BRI3: variants seen among roughly 807,000 people sequenced by gnomAD.
BRI3 encodes membrane protein BRI3.
BRI3 carries 6 observed loss-of-function variants against 12.8 expected under a neutral mutation model. That is an observed-to-expected ratio of 0.47 (90% CI 0.26 to 0.93). BRI3 has a LOEUF of 0.93. BRI3 is among the 40% of genes least tolerant of loss of function. The pLI, the probability that BRI3 is intolerant of heterozygous loss-of-function variation, is 0.15. For missense variants in BRI3, 134 were observed against 171.1 expected, an observed-to-expected ratio of 0.78 and a Z score of 1.21; for synonymous variants, 91 against 76.1, an observed-to-expected ratio of 1.20 and a Z score of -1.02.
intron 1 of BRI3, among the ~76,000 whole-genome samples, chr7:98,300,974 C>T (rs554662756): frequency 1.3e-5 from 2 of 152,330 alleles, no homozygotes; most frequent in East Asian, 1.9e-4. Flanking sequence ...CCCTTGTCCT[C>T]ACCCCATGCA....
At chr7:98,306,582 A>C in exon 1 of BRI3, 1 of 1,611,924 alleles carries the variant, frequency 6.2e-7, no homozygotes, top group Middle Eastern at 1.7e-4. Flanking sequence ...CTCCCTGAAC[A>C]ACCTGGTGAG....
the BRI3 span, among the ~76,000 whole-genome samples, chr7:98,316,532 TGATA>T: frequency 6.6e-6 from 1 of 152,200 alleles, no homozygotes; most frequent in African/African-American, 2.4e-5. Flanking sequence ...TTTTAAAAAC[TGATA>T]GATTATATAT....
chr7:98,294,221 G>A, downstream of BRI3: 3 of 1,107,096 alleles, frequency 2.7e-6, no homozygotes, highest in Non-Finnish European at 2.7e-6. Flanking sequence ...TCGAACTCCT[G>A]AGCTCACGTG....
the BRI3 span, chr7:98,315,566 A>G: frequency 2.0e-6 from 3 of 1,493,158 alleles, no homozygotes; most frequent in South Asian, 1.4e-5. Context: ...ACCATCTGCA[A>G]TGAATTTCTG....
At chr7:98,295,089 G>A (rs145461088), downstream of BRI3, among the ~76,000 whole-genome samples, 1 of 152,192 alleles carries the variant, frequency 6.6e-6, no homozygotes, top group Non-Finnish European at 1.5e-5. Context: ...ACCCCCAGGG[G>A]GTCTCAGGGA....
chr7:98,286,828 G>A (rs550699110), intron 2 of BRI3, among the ~76,000 whole-genome samples: 1 of 152,350 alleles, frequency 6.6e-6, no homozygotes, highest in Non-Finnish European at 1.5e-5. Flanking sequence ...GATAAATTAC[G>A]ACTATAAATA....
intron 2 of BRI3, among the ~76,000 whole-genome samples, chr7:98,287,704 G>C (rs1799756073): frequency 6.6e-6 from 1 of 152,230 alleles, no homozygotes; most frequent in Non-Finnish European, 1.5e-5. Flanking sequence ...TAGGAAGCAG[G>C]AGGGCGCTGC....
At chr7:98,287,048 C>T (rs574525937) in intron 2 of BRI3, among the ~76,000 whole-genome samples, 3 of 152,228 alleles carry the variant, frequency 2.0e-5, no homozygotes, top group African/African-American at 2.4e-5. Flanking sequence ...CTTCGAAGCC[C>T]GTTCAGAGCT....
chr7:98,320,715 A>G, the BRI3 span, among the ~76,000 whole-genome samples: 1 of 152,196 alleles, frequency 6.6e-6, no homozygotes, highest in African/African-American at 2.4e-5. Context: ...AGGGTCTCTA[A>G]GCATCATCCC....
downstream of BRI3, among the ~76,000 whole-genome samples, chr7:98,313,850 GA>G (rs1412312116): frequency 6.6e-6 from 1 of 150,788 alleles, no homozygotes; most frequent in Non-Finnish European, 1.5e-5. Context: ...GGCTGGTCTG[GA>G]ACTCCTGGGC....
exon 1 of BRI3, chr7:98,306,536 A>G: frequency 5.0e-6 from 8 of 1,614,108 alleles, no homozygotes; most frequent in Non-Finnish European, 6.8e-6. Context: ...AAGAGGGAGA[A>G]AAGACCCTAT....
downstream of BRI3, among the ~76,000 whole-genome samples, chr7:98,294,802 CTG>C (rs1800117074): frequency 6.6e-6 from 1 of 152,198 alleles, no homozygotes; most frequent in Non-Finnish European, 1.5e-5. Context: ...GAAGCTCAAA[CTG>C]AGGAAAAGAG....
At chr7:98,293,025 T>C (rs1396552336), downstream of BRI3, 1 of 999,084 alleles carries the variant, frequency 1.0e-6, no homozygotes, top group Non-Finnish European at 1.2e-6. Flanking sequence ...ATTACATTTA[T>C]ATAGTATTTT....
At chr7:98,319,912 G>A in the BRI3 span, 1 of 721,154 alleles carries the variant, frequency 1.4e-6, no homozygotes, top group Non-Finnish European at 2.4e-6. Flanking sequence ...CCCAAAGAGA[G>A]CTTGTCGGTT....
chr7:98,282,197 T>G (rs558628070), intron 1 of BRI3, among the ~76,000 whole-genome samples, 154 bp from the exon 2 acceptor site: 2 of 152,186 alleles, frequency 1.3e-5, no homozygotes, highest in Admixed American at 6.5e-5. Flanking sequence ...GTTGGCAGAT[T>G]AGCGCCGAAT....
At chr7:98,310,184 TATGTTTA>T in exon 2 of BRI3, 1 of 409,422 alleles carries the variant, frequency 2.4e-6, no homozygotes, top group Non-Finnish European at 4.3e-6. Context: ...TTCTCAACAG[TATGTTTA>T]CTCTGGATAA....
chr7:98,303,061 A>G (rs1800493066), upstream of BRI3, among the ~76,000 whole-genome samples: 1 of 152,214 alleles, frequency 6.6e-6, no homozygotes, highest in Non-Finnish European at 1.5e-5. Flanking sequence ...TTGGAATTAC[A>G]CAGACATGAG....
chr7:98,283,433 TG>T lies in BRI3; in HGVS notation c.245+981del, dbSNP rs1799600792. ...TGGGACCTCGGGGGCAGGTTGTGGC[TG>T]CTTGCCTGCACAGGGACCCCGTGAC... is the stretch of plus-strand genomic sequence containing the variant. On this transcript the variant is annotated intron_variant, in intron 2 of 2. Transcript: ENST00000297290. Among the ~76,000 whole-genome samples the T allele has an allele frequency of 2.0e-5, 3 of 151,966 alleles. No individual in the cohort carries two copies. In the South Asian group the frequency reaches 6.2e-4, roughly 32 times the overall value.
chr7:98,317,308 AAG>A, the BRI3 span: 1 of 1,614,208 alleles, frequency 6.2e-7, no homozygotes, highest in Non-Finnish European at 8.5e-7. Flanking sequence ...GATTTCTCCA[AAG>A]ACTCTAATTT....
Sources: allele counts gnomAD v4.1 joint callset (sites outside exome capture counted in the v4.1 genomes callset), GRCh38; gene constraint gnomAD v4.1.1; transcripts MANE v1.5; gene names NCBI Gene and HGNC (gene_info 2026-07-23, HGNC 2026-07-21).